Variants in NEO1 observed in about 807,000 individuals in gnomAD.
NEO1 encodes the protein neogenin.
NEO1 carries 63 observed loss-of-function variants against 159.7 expected under a neutral mutation model. The observed-to-expected ratio is 0.39, with a 90% CI of 0.32 to 0.49. The LOEUF (loss-of-function observed/expected upper bound fraction) is 0.49. Ranked by LOEUF, NEO1 falls within the 20% of genes least tolerant of loss-of-function variation. NEO1 has a pLI of 0.85. For missense variants in NEO1, 1,615 were observed against 1,831.0 expected, an observed-to-expected ratio of 0.88 and a Z score of 2.15; for synonymous variants, 633 against 662.0, an observed-to-expected ratio of 0.96 and a Z score of 0.67.
intron 7 of NEO1, among the ~76,000 whole-genome samples, chr15:73,225,928 T>C (rs1187445952): frequency 6.6e-6 from 1 of 152,194 alleles, no homozygotes; most frequent in Non-Finnish European, 1.5e-5. Context: ...CAGTTAGGAA[T>C]GGCCTGCCTG....
At chr15:73,275,141 T>C (rs980083805) in intron 21 of NEO1, among the ~76,000 whole-genome samples, 1 of 152,250 alleles carries the variant, frequency 6.6e-6, no homozygotes, top group African/African-American at 2.4e-5. Flanking sequence ...ATTTTATTAG[T>C]GTCTTTAAGT....
chr15:73,136,332 A>C (rs917638329), intron 5 of NEO1, among the ~76,000 whole-genome samples: 2 of 152,256 alleles, frequency 1.3e-5, no homozygotes, highest in South Asian at 4.2e-4. Flanking sequence ...TGGAATAGTG[A>C]CTAGGATATT....
At chr15:73,104,988 G>A (rs898095739) in intron 1 of NEO1, among the ~76,000 whole-genome samples, 2 of 152,142 alleles carry the variant, frequency 1.3e-5, no homozygotes, top group African/African-American at 4.8e-5. Flanking sequence ...GATTTGGGCA[G>A]GGACACAGAC....
chr15:73,068,260 C>T (rs1225796436), intron 1 of NEO1, among the ~76,000 whole-genome samples: 2 of 123,874 alleles, frequency 1.6e-5, no homozygotes, highest in Non-Finnish European at 3.2e-5. Context: ...TGTCTCACTG[C>T]ACCCAGGCTG....
chr15:73,075,195 A>G (rs1291108913), intron 1 of NEO1, among the ~76,000 whole-genome samples: 1 of 152,220 alleles, frequency 6.6e-6, no homozygotes, highest in South Asian at 2.1e-4. Flanking sequence ...CTAGAAGTCC[A>G]AAGTTAAATA....
intron 5 of NEO1, among the ~76,000 whole-genome samples, chr15:73,158,233 T>TTTC (rs1176013258): frequency 3.0e-5 from 4 of 131,780 alleles, no homozygotes; most frequent in Non-Finnish European, 5.1e-5. Flanking sequence ...TTTTTTTTTT[T>TTTC]ACAATTTTTT....
chr15:73,220,870 A>T (rs1278330041), intron 7 of NEO1, among the ~76,000 whole-genome samples: 1 of 152,074 alleles, frequency 6.6e-6, no homozygotes, highest in Non-Finnish European at 1.5e-5. Context: ...CTTTGGTTTG[A>T]ATTTCCTCCT....
chr15:73,192,134 T>C (rs1423177379), intron 7 of NEO1, among the ~76,000 whole-genome samples: 3 of 152,122 alleles, frequency 2.0e-5, no homozygotes, highest in East Asian at 3.9e-4. Flanking sequence ...TAAAGAATTA[T>C]TGGGGTAGAG....
intron 8 of NEO1, 133 bp downstream of exon 8, chr15:73,236,639 AT>A: frequency 1.3e-6 from 1 of 749,206 alleles, no homozygotes; most frequent in Non-Finnish European, 2.3e-6. Flanking sequence ...ACCTTCCCTA[AT>A]TTTAGGTCAT....
At chr15:73,247,855 G>A (rs1004869420) in intron 9 of NEO1, among the ~76,000 whole-genome samples, 2 of 152,194 alleles carry the variant, frequency 1.3e-5, no homozygotes, top group African/African-American at 2.4e-5. Context: ...AAGGGTAGGT[G>A]TGTGAGCCAT....
intron 8 of NEO1, among the ~76,000 whole-genome samples, chr15:73,241,559 T>A (rs2039488427): frequency 6.6e-6 from 1 of 152,198 alleles, no homozygotes; most frequent in African/African-American, 2.4e-5. Context: ...CATTAGTGAC[T>A]TTTCCTCACA....
intron 5 of NEO1, among the ~76,000 whole-genome samples, chr15:73,153,394 A>T (rs1445539834): frequency 2.0e-5 from 3 of 152,210 alleles, no homozygotes; most frequent in Non-Finnish European, 4.4e-5. Context: ...TAAAAATCTA[A>T]TTACAAAATC....
intron 7 of NEO1, among the ~76,000 whole-genome samples, chr15:73,184,263 C>T (rs2035790962): frequency 3.3e-5 from 5 of 152,182 alleles, no homozygotes; most frequent in Admixed American, 3.3e-4. Context: ...TCAAGCAATT[C>T]TCCTGCCTCA....
At chr15:73,248,020 C>T (rs1425710572) in intron 9 of NEO1, among the ~76,000 whole-genome samples, 1 of 152,136 alleles carries the variant, frequency 6.6e-6, no homozygotes, top group African/African-American at 2.4e-5. Flanking sequence ...CTGGGTCCAC[C>T]GCTAGCTAAC....
chr15:73,210,573 G>A (rs1048592170), intron 7 of NEO1, among the ~76,000 whole-genome samples: 1 of 152,230 alleles, frequency 6.6e-6, no homozygotes, highest in Non-Finnish European at 1.5e-5. Context: ...AATAACTTGG[G>A]TGGAACTTCT....
intron 25 of NEO1, among the ~76,000 whole-genome samples, chr15:73,292,481 T>G (rs1436217555): frequency 1.3e-5 from 2 of 152,232 alleles, no homozygotes; most frequent in African/African-American, 4.8e-5. Flanking sequence ...CCAAGGGAGT[T>G]CCTCAGAAAA....
intron 1 of NEO1, 85 bp from the exon 2 acceptor site, chr15:73,116,455 T>C (rs970879903): frequency 1.8e-6 from 2 of 1,131,394 alleles, no homozygotes; most frequent in Non-Finnish European, 2.4e-6. Flanking sequence ...CAGTTAATAA[T>C]TTTTGGACTT....
At chr15:73,244,314 G>A (rs1323717478) in intron 8 of NEO1, 30 bp from the exon 9 acceptor site, 1 of 1,596,104 alleles carries the variant, frequency 6.3e-7, no homozygotes, top group Non-Finnish European at 8.5e-7. Flanking sequence ...CCTAATTAAT[G>A]CTATCTCTCT....
intron 8 of NEO1, among the ~76,000 whole-genome samples, chr15:73,241,420 G>A (rs1392748602): frequency 6.6e-6 from 1 of 152,084 alleles, no homozygotes; most frequent in Non-Finnish European, 1.5e-5. Flanking sequence ...TGTTACATAG[G>A]TAACTATATA....
Sources: gnomAD v4.1 joint callset for allele counts (sites outside exome capture counted in the v4.1 genomes callset) on GRCh38, gnomAD v4.1.1 for gene constraint, MANE v1.5 for transcripts, NCBI Gene and HGNC (gene_info 2026-07-23, HGNC 2026-07-21) for gene names.